Variants in BCL11A observed in about 807,000 individuals in gnomAD.
BCL11A encodes BCL11 transcription factor A.
In BCL11A, 2 loss-of-function variants were observed where a neutral mutation model predicts 55.9. The ratio of observed to expected loss-of-function variants is 0.04; its 90% CI spans 0.01 to 0.11. BCL11A has a LOEUF of 0.11. Among genes scored for constraint, BCL11A ranks in the 10% least tolerant of loss-of-function variants. The pLI is 1.00. For synonymous variants in BCL11A, 465 were observed against 473.4 expected (o/e 0.98, Z 0.23); for missense variants, 817 against 1,137.1 (o/e 0.72, Z 4.05).
chr2:60,461,928 G>A lies in BCL11A; in HGVS notation c.984C>T (p.Ser328=). 6.2e-7 allele frequency: 1 copy of A among 1,614,074 alleles called. No homozygotes were observed. The highest frequency in any genetic ancestry group is 8.5e-7 in the Non-Finnish European group (1 of 1,179,990). Residue 328 remains serine, a synonymous_variant, in exon 4 of 4, where the codon AGC becomes AGT. Coordinates refer to ENST00000642384, the MANE Select transcript of BCL11A (RefSeq NM_022893.4). ...RLRELAGNTS[S]PPLSPGRPSP... ...TGGGCCGGCCTGGGGACAGCGGTGG[G>A]CTAGACGTGTTCCCTGCCAGCTCTC... is the stretch of plus-strand genomic sequence containing the variant.
chr2:60,504,700 T>C (rs1014801139), intron 2 of BCL11A, among the ~76,000 whole-genome samples: 3 of 152,222 alleles, frequency 2.0e-5, no homozygotes, highest in African/African-American at 7.2e-5. Flanking sequence ...ATGTATTTAC[T>C]GAGAAGCTTC....
intron 2 of BCL11A, among the ~76,000 whole-genome samples, chr2:60,515,437 C>T (rs6545820): frequency 0.38 from 57,702 of 152,038 alleles, 11,630 homozygotes; most frequent in African/African-American, 0.44. Context: ...AACATGACTC[C>T]TGCCCTCCAA....
At chr2:60,493,152 G>A (rs531398346) in intron 2 of BCL11A, among the ~76,000 whole-genome samples, 1 of 150,314 alleles carries the variant, frequency 6.7e-6, no homozygotes, top group Admixed American at 6.6e-5. Context: ...ATGGTGTGGA[G>A]TGTGTTACTC....
intron 2 of BCL11A, among the ~76,000 whole-genome samples, chr2:60,491,762 T>C (rs1678653504): frequency 6.6e-6 from 1 of 151,234 alleles, no homozygotes; most frequent in South Asian, 2.1e-4. Flanking sequence ...CAAAACACCC[T>C]AGGCATCATC....
chr2:60,550,398 T>TC (rs972353306), intron 1 of BCL11A, among the ~76,000 whole-genome samples: 1 of 151,848 alleles, frequency 6.6e-6, no homozygotes, highest in Non-Finnish European at 1.5e-5. Context: ...AACCGTTCTT[T>TC]CCCCCCACCC....
At chr2:60,486,043 A>T (rs1678257631) in intron 2 of BCL11A, among the ~76,000 whole-genome samples, 1 of 152,112 alleles carries the variant, frequency 6.6e-6, no homozygotes, top group Non-Finnish European at 1.5e-5. Context: ...ATGTTTAGGG[A>T]TCTATTTCCA....
At chr2:60,550,860 G>A (rs371371324) in intron 1 of BCL11A, 2 of 398,546 alleles carry the variant, frequency 5.0e-6, no homozygotes, top group South Asian at 1.3e-4. Context: ...CTTCCTTCCC[G>A]CCGGTACCTG....
At chr2:60,531,978 G>A (rs1035524820) in intron 2 of BCL11A, among the ~76,000 whole-genome samples, 63 of 152,194 alleles carry the variant, frequency 4.1e-4, no homozygotes, top group African/African-American at 1.5e-3. Flanking sequence ...CTGCACCAGC[G>A]TTGGAAGCTG....
intron 3 of BCL11A, 24 bp downstream of exon 3, chr2:60,468,708 T>C (rs1572967271): frequency 2.6e-6 from 4 of 1,553,156 alleles, no homozygotes; most frequent in South Asian, 1.1e-5. Context: ...TGGACATTTG[T>C]AGAAGAAATA....
Position 60,459,699 on chromosome 2 carries a change from T to C in BCL11A, c.*705A>G, listed in dbSNP as rs955098839. 2 of 1,036,226 alleles carry C rather than the reference T, an allele frequency of 1.9e-6. No homozygotes were observed. The highest frequency in any genetic ancestry group is 5.7e-5 in the Admixed American group (1 of 17,686). The allele number at this position is 1,036,226 out of a possible 1,614,324, so 64.2% of individuals were successfully genotyped here. On this transcript the variant is annotated 3_prime_UTR_variant, in exon 4 of 4. Coordinates refer to ENST00000642384, the MANE Select transcript of BCL11A (RefSeq NM_022893.4). The stretch of plus-strand genomic sequence containing the variant: ...AAGGCACTCATATTTTAAAACCAAA[T>C]GATAGAATAAACTTGTTCTGTTTTT...
chr2:60,458,242 AC>A lies in BCL11A; in HGVS notation c.*2161del. The A allele has an allele frequency of 9.8e-7, 1 of 1,023,604 alleles. No individual in the cohort carries two copies. Among genetic ancestry groups the A allele is most frequent in the Non-Finnish European group, 1.2e-6 (1 of 851,854 alleles). The allele number at this position is 1,023,604 out of a possible 1,614,324, so 63.4% of individuals were successfully genotyped here. The stretch of plus-strand genomic sequence containing the variant: ...AGTGTGCATTTTCCTATATTTAAGT[AC>A]TATATAATCTTAAACCTTTCCCCAA... On this transcript the variant is annotated 3_prime_UTR_variant, in exon 4 of 4. Coordinates refer to ENST00000642384, the MANE Select transcript of BCL11A (RefSeq NM_022893.4).
chr2:60,463,886 G>A (rs1370311313), intron 3 of BCL11A, among the ~76,000 whole-genome samples: 1 of 151,126 alleles, frequency 6.6e-6, no homozygotes, highest in African/African-American at 2.4e-5. Flanking sequence ...GTTCTTTAAG[G>A]CCACAGCTAG....
At chr2:60,455,234 G>C (rs1675887349), downstream of BCL11A, among the ~76,000 whole-genome samples, 1 of 152,030 alleles carries the variant, frequency 6.6e-6, no homozygotes, top group Admixed American at 6.5e-5. Flanking sequence ...CGTCAAGCCT[G>C]TTACAAAAAC....
Position 60,546,680 on chromosome 2 carries a change from A to G in BCL11A, c.56-380T>C, listed in dbSNP as rs1329443132. On this transcript the variant is annotated intron_variant, in intron 1 of 3. Coordinates refer to ENST00000642384, the MANE Select transcript of BCL11A (RefSeq NM_022893.4). The surrounding 1 kb of genome is among the most constrained non-coding windows in gnomAD (Gnocchi z 4.1). ...TAAAGAAAGCTTAAATAATAACTAC[A>G]AGAAAAACTGGTTAAAAAAAAAAGT... 1.3e-5 allele frequency among the ~76,000 whole-genome samples: 2 copies of G among 152,224 alleles called. No homozygotes were observed. The highest frequency in any genetic ancestry group is 2.4e-5 in the African/African-American group (1 of 41,458).
chr2:60,464,107 C>G (rs1319135785), intron 3 of BCL11A, among the ~76,000 whole-genome samples: 1 of 152,198 alleles, frequency 6.6e-6, no homozygotes, highest in Non-Finnish European at 1.5e-5. Context: ...GACTCCTGCC[C>G]TGACCTTGTA....
intron 2 of BCL11A, among the ~76,000 whole-genome samples, chr2:60,524,043 C>T (rs778731095): frequency 7.2e-5 from 11 of 152,154 alleles, no homozygotes; most frequent in Non-Finnish European, 1.2e-4. Flanking sequence ...TGAGAGACTC[C>T]GGACCACAGG....
intron 2 of BCL11A, among the ~76,000 whole-genome samples, chr2:60,520,149 G>C (rs1222621998): frequency 6.6e-6 from 1 of 152,104 alleles, no homozygotes; most frequent in East Asian, 1.9e-4. Context: ...TACCTTGCGT[G>C]GCAAGGTATA....
chr2:60,503,982 T>C (rs1271017373), intron 2 of BCL11A, among the ~76,000 whole-genome samples: 2 of 152,092 alleles, frequency 1.3e-5, no homozygotes, highest in African/African-American at 4.8e-5. Flanking sequence ...TGAAAGACAC[T>C]GAGTATTAAG....
At chr2:60,509,300 C>A (rs534360960) in intron 2 of BCL11A, among the ~76,000 whole-genome samples, 2 of 152,306 alleles carry the variant, frequency 1.3e-5, no homozygotes, top group South Asian at 2.1e-4. Context: ...ATGTGCCAGC[C>A]CACTTCTTTC....
Sources: gnomAD v4.1 joint callset for allele counts (sites outside exome capture counted in the v4.1 genomes callset) on GRCh38, gnomAD v4.1.1 for gene constraint, Gnocchi (gnomAD v3.1) non-coding constraint, MANE v1.5 for transcripts, NCBI Gene and HGNC (gene_info 2026-07-23, HGNC 2026-07-21) for gene names.